The following GKAP1 variants were observed in gnomAD, a reference collection of about 807,000 sequenced individuals.
GKAP1 encodes the protein G kinase-anchoring protein 1.
Under a neutral mutation model 56.7 loss-of-function variants are expected in GKAP1, and 31 were observed. That is an observed-to-expected ratio of 0.55 (90% CI 0.41 to 0.74). GKAP1 has a LOEUF of 0.74. Ranked by LOEUF, GKAP1 falls within the 30% of genes least tolerant of loss-of-function variation. The pLI, the probability that GKAP1 is intolerant of heterozygous loss-of-function variation, is 0.00. For synonymous variants in GKAP1, 151 were observed against 138.6 expected, an observed-to-expected ratio of 1.09 and a Z score of -0.63; for missense variants, 364 against 402.3, an observed-to-expected ratio of 0.90 and a Z score of 0.82.
At chr9:83,805,275 C>A (rs573925538) in intron 3 of GKAP1, among the ~76,000 whole-genome samples, 41 of 152,116 alleles carry the variant, frequency 2.7e-4, no homozygotes, top group Middle Eastern at 6.8e-3. Context: ...GCAGCATGCT[C>A]GTTAAGAATC....
Position 83,763,196 on chromosome 9 carries a change from T to C in GKAP1, c.738+5622A>G, listed in dbSNP as rs975172125. 2.0e-5 allele frequency among the ~76,000 whole-genome samples: 3 copies of C among 152,148 alleles called. No homozygotes were observed. In the East Asian group the frequency reaches 5.8e-4, roughly 29 times the overall value. On this transcript the variant is annotated intron_variant, in intron 8 of 12. Transcript: ENST00000376371. Reference sequence around the variant, plus strand: ...TAAGCCAGGCACAGAAAGGCAAACATCACATGTTCTCACTTATTTGTGAGA... The same window carrying C: ...TAAGCCAGGCACAGAAAGGCAAACACCACATGTTCTCACTTATTTGTGAGA...
intron 9 of GKAP1, among the ~76,000 whole-genome samples, chr9:83,750,057 T>TA (rs1434398822): frequency 6.6e-6 from 1 of 152,210 alleles, no homozygotes; most frequent in Non-Finnish European, 1.5e-5. Context: ...CACCAAACTC[T>TA]ATCTCTGGCT....
At chr9:83,740,425 T>C (rs1943187965) in intron 12 of GKAP1, among the ~76,000 whole-genome samples, 1 of 152,152 alleles carries the variant, frequency 6.6e-6, no homozygotes, top group Non-Finnish European at 1.5e-5. Flanking sequence ...ACATTCATTA[T>C]AGAAATATGG....
intron 5 of GKAP1, among the ~76,000 whole-genome samples, chr9:83,787,183 T>C (rs980959560): frequency 2.4e-4 from 36 of 152,348 alleles, no homozygotes; most frequent in Admixed American, 1.8e-3. Flanking sequence ...CCCACTTTAT[T>C]AGCAACTTTT....
chr9:83,746,011 G>A (rs556287971), intron 10 of GKAP1, among the ~76,000 whole-genome samples: 2 of 151,966 alleles, frequency 1.3e-5, no homozygotes, highest in African/African-American at 2.4e-5. Flanking sequence ...GGGTGGTCTC[G>A]AACTCCTAAC....
At chr9:83,759,643 T>G (rs938385258) in intron 8 of GKAP1, among the ~76,000 whole-genome samples, 1 of 152,226 alleles carries the variant, frequency 6.6e-6, no homozygotes, top group African/African-American at 2.4e-5. Flanking sequence ...GGGTTTAATC[T>G]AGGGGTAGAA....
intron 2 of GKAP1, among the ~76,000 whole-genome samples, chr9:83,816,012 AC>A (rs1944581793): frequency 7.3e-6 from 1 of 136,790 alleles, no homozygotes; most frequent in African/African-American, 2.9e-5. Context: ...AAGGCGAAAC[AC>A]CGTCTGTATT....
intron 6 of GKAP1, among the ~76,000 whole-genome samples, chr9:83,781,963 C>G (rs1356459976): frequency 6.6e-6 from 1 of 151,356 alleles, no homozygotes; most frequent in Non-Finnish European, 1.5e-5. Context: ...CCTGCCTCAG[C>G]CTCCCGAGTA....
intron 4 of GKAP1, among the ~76,000 whole-genome samples, chr9:83,794,434 C>T (rs756662878): frequency 7.2e-5 from 11 of 152,092 alleles, no homozygotes; most frequent in Non-Finnish European, 1.5e-4. Flanking sequence ...ATTATACCAG[C>T]CACACAGTTA....
intron 8 of GKAP1, among the ~76,000 whole-genome samples, chr9:83,759,498 TTA>T (rs2131253361): frequency 6.6e-6 from 1 of 152,276 alleles, no homozygotes; most frequent in Admixed American, 6.5e-5. Flanking sequence ...ATTTGGTGAC[TTA>T]TGTTTTTCAT....
chr9:83,739,701 C>A lies in GKAP1; in HGVS notation c.1097G>T (p.Arg366Met), dbSNP rs535646275. The stretch of plus-strand genomic sequence containing the variant: ...TGACTTCAAAGGCTAATGTAATCAC[C>A]TACACTGGTCGGATTCAGAGTTTCT... ...GKRNSESDQC[R>M] The change falls in exon 13 of 13, where the codon AGG becomes ATG. Residue 366 changes from arginine (R) to methionine (M), a missense_variant. Coordinates refer to ENST00000376371, the MANE Select transcript of GKAP1 (RefSeq NM_025211.4). 1.0e-4 allele frequency: 160 copies of A among 1,607,318 alleles called. 2 individuals carry two copies. The South Asian group carries it at 1.7e-3, about 17-fold the overall frequency.
intron 8 of GKAP1, among the ~76,000 whole-genome samples, chr9:83,763,875 T>A (rs993661670): frequency 1.3e-5 from 2 of 152,230 alleles, no homozygotes; most frequent in East Asian, 3.8e-4. Flanking sequence ...TTTCAAAGTC[T>A]GTTCTCTTTC....
chr9:83,752,895 A>T (rs1200305704), intron 9 of GKAP1, among the ~76,000 whole-genome samples: 1 of 152,004 alleles, frequency 6.6e-6, no homozygotes, highest in Non-Finnish European at 1.5e-5. Context: ...ACATGGTGAA[A>T]CTCTGTCTCT....
At chr9:83,799,706 C>T (rs1005022777) in intron 3 of GKAP1, among the ~76,000 whole-genome samples, 1 of 152,110 alleles carries the variant, frequency 6.6e-6, no homozygotes, top group Non-Finnish European at 1.5e-5. Context: ...CTAATCTTAG[C>T]CCATTGGAAG....
rs550835315 is a variant in GKAP1 at position 83,812,933 on chromosome 9, T to A, written c.-44+4063A>T. 2.3e-4 allele frequency among the ~76,000 whole-genome samples: 35 copies of A among 152,254 alleles called. 2 individuals carry two copies. The South Asian group carries it at 6.8e-3, about 30-fold the overall frequency. On this transcript the variant is annotated intron_variant, in intron 2 of 12. Coordinates refer to ENST00000376371, the MANE Select transcript of GKAP1 (RefSeq NM_025211.4). ...CTCGTTAACTAATTTTTCAGAATTT[T>A]CAAAAAGATAGTCATGTTATGCAAT...
intron 4 of GKAP1, among the ~76,000 whole-genome samples, chr9:83,795,687 A>G (rs1450999144): frequency 2.1e-5 from 3 of 144,660 alleles, no homozygotes; most frequent in Non-Finnish European, 4.5e-5. Flanking sequence ...AGTAGCTGGG[A>G]CTACAGGCAT....
intron 7 of GKAP1, among the ~76,000 whole-genome samples, chr9:83,778,140 G>A (rs1943893488): frequency 2.0e-5 from 3 of 152,078 alleles, no homozygotes; most frequent in Non-Finnish European, 2.9e-5. Flanking sequence ...GCAGTGTGGC[G>A]ATTCCTCAAA....
At chr9:83,777,059 A>C (rs935156085) in intron 7 of GKAP1, among the ~76,000 whole-genome samples, 8 of 152,204 alleles carry the variant, frequency 5.3e-5, no homozygotes, top group African/African-American at 1.9e-4. Flanking sequence ...TAGTACACGG[A>C]CATGATAGAA....
At chr9:83,798,290 C>T (rs1587733529) in intron 4 of GKAP1, among the ~76,000 whole-genome samples, 1 of 152,302 alleles carries the variant, frequency 6.6e-6, no homozygotes, top group East Asian at 1.9e-4. Flanking sequence ...ACTTACTATA[C>T]ATATAGCATC....
Sources: gnomAD v4.1 joint callset for allele counts (sites outside exome capture counted in the v4.1 genomes callset) on GRCh38, gnomAD v4.1.1 for gene constraint, MANE v1.5 for transcripts, NCBI Gene and HGNC (gene_info 2026-07-23, HGNC 2026-07-21) for gene names.